The following DHX34 variants were observed in gnomAD, a reference collection of about 807,000 sequenced individuals.
DHX34 encodes the protein DExH-box helicase 34.
A neutral mutation model predicts 111.1 loss-of-function variants in DHX34; 96 were observed. The observed-to-expected ratio is 0.86, with a 90% CI of 0.73 to 1.02. The LOEUF (loss-of-function observed/expected upper bound fraction) is 1.02. Ranked by LOEUF, DHX34 falls within the 50% of genes least tolerant of loss-of-function variation. The pLI, the probability that DHX34 is intolerant of heterozygous loss-of-function variation, is 0.00. For missense variants in DHX34, 1,560 were observed against 1,579.9 expected, an observed-to-expected ratio of 0.99 and a Z score of 0.21; for synonymous variants, 688 against 670.4, an observed-to-expected ratio of 1.03 and a Z score of -0.41.
At position 47,377,144 on chromosome 19, in the gene DHX34, G is replaced by T. The variant is rs191642980; in HGVS notation, c.2644G>T (p.Val882Leu). The T allele has an allele frequency of 9.5e-5, 154 of 1,613,904 alleles. No individual in the cohort carries two copies. In the East Asian group the frequency reaches 3.3e-3, roughly 34 times the overall value. ...CAGCAAACACCAGCTCCTCAGCTTC[G>T]TGTCCCTGCTGGAGACCAACAAGCC... The part of the protein sequence containing the change: ...MSSKHQLLSF[V>L]SLLETNKPYL... Residue 882 changes from valine (V) to leucine (L), a missense_variant, in exon 13 of 17, where the codon GTG becomes TTG. Transcript: ENST00000328771.
intron 4 of DHX34, 77 bp from the exon 5 acceptor site, chr19:47,359,888 CGGG>C: frequency 6.2e-7 from 1 of 1,603,206 alleles, no homozygotes; most frequent in South Asian, 1.1e-5. Flanking sequence ...GCTGCTGACA[CGGG>C]GGTGGGCAAG....
intron 7 of DHX34, 111 bp from the exon 8 acceptor site, chr19:47,372,619 G>A: frequency 6.9e-7 from 1 of 1,440,508 alleles, no homozygotes; most frequent in Non-Finnish European, 9.1e-7. Context: ...TGGGCAAGAT[G>A]GAGGGGGTGG....
At position 47,382,024 on chromosome 19, in the gene DHX34, C is replaced by T. The variant is rs755464641; in HGVS notation, c.3343C>T (p.Leu1115=). The change falls in exon 17 of 17, where the codon CTG becomes TTG. Residue 1115 remains leucine (L), a synonymous_variant. Transcript: ENST00000328771. The part of the protein sequence containing the change: ...ALETLQKTSV[L]QRPYHCEACG... ...CGAAACCCTCCAGAAGACATCTGTC[C>T]TGCAGAGGCCCTACCACTGCGAGGC... 15 of 1,614,144 alleles carry T rather than the reference C, an allele frequency of 9.3e-6. No individual in the cohort carries two copies. The highest frequency in any genetic ancestry group is 1.3e-5 in the Non-Finnish European group (15 of 1,180,004).
intron 2 of DHX34, 147 bp from the exon 3 acceptor site, chr19:47,354,892 G>A: frequency 7.1e-7 from 1 of 1,412,662 alleles, no homozygotes; most frequent in Non-Finnish European, 9.4e-7. Flanking sequence ...TACCTCAGGT[G>A]ATCCGCCCGC....
At chr19:47,370,200 G>C (rs1303465658) in intron 7 of DHX34, among the ~76,000 whole-genome samples, 2 of 152,172 alleles carry the variant, frequency 1.3e-5, no homozygotes, top group African/African-American at 4.8e-5. Flanking sequence ...GGAAAGACAG[G>C]CTCTCTCGCT....
rs562547292 is a variant in DHX34 at position 47,355,784 on chromosome 19, G to A, written c.1017+434G>A. Among the ~76,000 whole-genome samples, 151 of 152,048 alleles carry A rather than the reference G, an allele frequency of 9.9e-4. 3 individuals carry two copies. The Middle Eastern group carries it at 0.02, about 21-fold the overall frequency. Reference sequence around the variant, plus strand: ...GGAGAGTGGCGTGAACCTGGGAGGCGGAGCTTGCAGTGAGCCGAGATCGCG... The same window carrying A: ...GGAGAGTGGCGTGAACCTGGGAGGCAGAGCTTGCAGTGAGCCGAGATCGCG... On this transcript the variant is annotated intron_variant, in intron 3 of 16. Coordinates refer to ENST00000328771, the MANE Select transcript of DHX34 (RefSeq NM_014681.6).
chr19:47,360,669 TTTGTTG>T lies in DHX34; in HGVS notation c.1375+629_1375+634del, dbSNP rs58164248. Among the ~76,000 whole-genome samples, 557 of 149,114 alleles carry T rather than the reference TTTGTTG, an allele frequency of 3.7e-3. 10 individuals are homozygous for T. Among genetic ancestry groups the T allele is most frequent in the Admixed American group, 0.025 (379 of 15,098 alleles). On this transcript the variant is annotated intron_variant, in intron 5 of 16. Transcript: ENST00000328771. ...TCATATGAGGGGGATTGACATTCTG[TTTGTTG>T]TTGTTGTTGTTGTTGTTGTTGTTGT...
At chr19:47,359,233 A>T (rs1247513039) in intron 4 of DHX34, among the ~76,000 whole-genome samples, 3 of 152,170 alleles carry the variant, frequency 2.0e-5, no homozygotes, top group Non-Finnish European at 4.4e-5. Context: ...AAGCTGAGAC[A>T]GGAGGATCAC....
At chr19:47,356,937 T>C (rs1323171552) in intron 3 of DHX34, among the ~76,000 whole-genome samples, 1 of 152,150 alleles carries the variant, frequency 6.6e-6, no homozygotes, top group African/African-American at 2.4e-5. Flanking sequence ...CGAGACCCTG[T>C]CTCAAAAAGA....
At chr19:47,373,775 C>T (rs919832490) in intron 9 of DHX34, 75 bp downstream of exon 9, 11 of 1,530,882 alleles carry the variant, frequency 7.2e-6, no homozygotes, top group Middle Eastern at 1.7e-4. Context: ...AACACTGCTT[C>T]CCCTTCCCAG....
chr19:47,362,435 C>T lies in DHX34; in HGVS notation c.1376-41C>T, dbSNP rs764952875. ...CAGGCGCGTGGCCAGCTGCACGTGG[C>T]TGCCACACACAGACTCCCTTTCCTC... On this transcript the variant is annotated intron_variant, in intron 5 of 16. Coordinates refer to ENST00000328771, the MANE Select transcript of DHX34 (RefSeq NM_014681.6). The T allele has an allele frequency of 8.8e-6, 13 of 1,480,062 alleles. No homozygotes were observed. The East Asian group carries it at 1.0e-4, about 11-fold the overall frequency. The allele number at this position is 1,480,062 out of a possible 1,614,324, so 91.7% of individuals were successfully genotyped here.
rs34802163 is a variant in DHX34, at chr19:47,355,232, C to G, written c.899C>G (p.Pro300Arg). Residue 300 changes from proline to arginine, a missense_variant, in exon 3 of 17, where the codon CCC becomes CGC. Coordinates refer to ENST00000328771, the MANE Select transcript of DHX34 (RefSeq NM_014681.6). ...CTGGGCGTCCTCCAGCGCCTGTTGC[C>G]CACGCGGCCTGACCTCAAGGTCATC... is the stretch of plus-strand genomic sequence containing the variant. ...FLLGVLQRLL[P>R]TRPDLKVILM... 43,652 of 1,614,186 alleles carry G rather than the reference C, an allele frequency of 0.027. 744 individuals carry two copies. The highest frequency in any genetic ancestry group is 0.049 in the Middle Eastern group (299 of 6,062).
chr19:47,376,705 C>T (rs1970174472), intron 12 of DHX34, 145 bp downstream of exon 12: 1 of 1,433,822 alleles, frequency 7.0e-7, no homozygotes, highest in East Asian at 2.5e-5. Context: ...GTTCCAGGGC[C>T]AGGCCTCCCT....
chr19:47,376,198 G>T, intron 11 of DHX34, 101 bp downstream of exon 11: 1 of 1,477,598 alleles, frequency 6.8e-7, no homozygotes, highest in Non-Finnish European at 9.0e-7. Context: ...AACAACCCTG[G>T]TTCTGTCCCC....
Position 47,355,169 on chromosome 19 carries a change from A to T in DHX34, c.836A>T (p.Asp279Val). The T allele has an allele frequency of 6.2e-7, 1 of 1,613,874 alleles. No homozygotes were observed. Among genetic ancestry groups the T allele is most frequent in the Non-Finnish European group, 8.5e-7 (1 of 1,180,006 alleles). The part of the protein sequence containing the change: ...SLPQYEVLIV[D>V]EVHERHLHND... ...CCCCAGTATGAGGTCCTGATTGTGG[A>T]TGAAGTCCATGAGCGGCATCTCCAC... The change falls in exon 3 of 17, where the codon GAT (aspartate) becomes GTT (valine). Residue 279 changes from aspartate (D) to valine (V), a missense_variant. By Grantham distance (152) the Asp-to-Val change is radical (BLOSUM62 -3). Coordinates refer to ENST00000328771, the MANE Select transcript of DHX34 (RefSeq NM_014681.6).
chr19:47,369,299 G>A (rs1431369991), intron 7 of DHX34, among the ~76,000 whole-genome samples: 1 of 152,098 alleles, frequency 6.6e-6, no homozygotes, highest in East Asian at 1.9e-4. Context: ...GAGCCACTGC[G>A]CCCGGCCAAT....
At position 47,360,011 on chromosome 19, in the gene DHX34, C is replaced by G; in HGVS notation, c.1316C>G (p.Ser439Cys). ...CCTGGAGTCCGGAAATGCATCCTCTCCACCAACATTGCTGAGACCTCAGTC... is the reference window on the plus strand; with the variant it reads ...CCTGGAGTCCGGAAATGCATCCTCTGCACCAACATTGCTGAGACCTCAGTC... Reference protein sequence around the residue: ...APPGVRKCILSTNIAETSVTI... With the variant: ...APPGVRKCILCTNIAETSVTI... The change falls in exon 5 of 17, where the codon TCC becomes TGC. Residue 439 changes from serine to cysteine, a missense_variant. Ser to Cys is a moderately radical substitution (Grantham distance 112). Transcript: ENST00000328771. 1 of 1,614,072 alleles carries G rather than the reference C, an allele frequency of 6.2e-7. No homozygotes were observed. Among genetic ancestry groups the G allele is most frequent in the Non-Finnish European group, 8.5e-7 (1 of 1,180,008 alleles).
At chr19:47,367,350 C>T (rs961501092) in intron 7 of DHX34, among the ~76,000 whole-genome samples, 195 bp downstream of exon 7, 1 of 152,162 alleles carries the variant, frequency 6.6e-6, no homozygotes, top group Non-Finnish European at 1.5e-5. Flanking sequence ...TCTCTGGCCT[C>T]AGGGAGCTGA....
At position 47,373,704 on chromosome 19, in the gene DHX34, A is replaced by G. The variant is rs1319661896; in HGVS notation, c.2064+4A>G. ...CAACCTTCGGCGCCAGTTCAAGGTG[A>G]GGCTCGGGAGGAGGGGTAAGGCCGG... is the stretch of plus-strand genomic sequence containing the variant. On this transcript the variant is annotated splice_donor_region_variant and intron_variant, in intron 9 of 16. Coordinates refer to ENST00000328771, the MANE Select transcript of DHX34 (RefSeq NM_014681.6). The G allele has an allele frequency of 1.6e-5, 25 of 1,612,640 alleles. No individual in the cohort carries two copies. Among genetic ancestry groups the G allele is most frequent in the Non-Finnish European group, 2.1e-5 (25 of 1,179,324 alleles).
Sources: gnomAD v4.1 joint callset for allele counts (sites outside exome capture counted in the v4.1 genomes callset) on GRCh38, gnomAD v4.1.1 for gene constraint, MANE v1.5 for transcripts, NCBI Gene and HGNC (gene_info 2026-07-23, HGNC 2026-07-21) for gene names.